PCBP3: variants seen among roughly 807,000 people sequenced by gnomAD.
PCBP3 encodes the protein poly(rC)-binding protein 3.
A neutral mutation model predicts 52.7 loss-of-function variants in PCBP3; 25 were observed. That is an observed-to-expected ratio of 0.47 (90% CI 0.35 to 0.66). The LOEUF (loss-of-function observed/expected upper bound fraction) is 0.66. PCBP3 is among the 30% of genes least tolerant of loss of function. The pLI, the probability that PCBP3 is intolerant of heterozygous loss-of-function variation, is 0.01. For synonymous variants in PCBP3, 162 were observed against 183.0 expected, an observed-to-expected ratio of 0.89 and a Z score of 0.93; for missense variants, 391 against 490.3, an observed-to-expected ratio of 0.80 and a Z score of 1.91.
In PCBP3 at chr21:45,785,509, G is replaced by A. The variant is rs1422587968; in HGVS notation, c.-126+30057G>A. Among the ~76,000 whole-genome samples the A allele has an allele frequency of 2.5e-5, 3 of 121,050 alleles. 1 individual carries two copies. Among genetic ancestry groups the A allele is most frequent in the Admixed American group, 1.5e-4 (2 of 13,146 alleles). 79.4% of individuals were successfully genotyped at this position (121,050 alleles called of 152,430 possible). A position where few individuals can be genotyped will look rare whatever the true frequency, so the allele number is the denominator to read the frequency against. On this transcript the variant is annotated intron_variant, in intron 4 of 17. Coordinates refer to ENST00000681687, the MANE Select transcript of PCBP3 (RefSeq NM_001384156.1). ...CTGGCCAGCCGCCCCGTCCGGGAGG[G>A]GGGGGGGTCAGCCCCCCGCCCGGCC...
rs1247989745 is a variant in PCBP3, at chr21:45,930,867, A to T, written c.856+22A>T. The T allele has an allele frequency of 2.5e-6, 4 of 1,612,578 alleles. No homozygotes were observed. The African/African-American group carries it at 4.0e-5, about 16-fold the overall frequency. On this transcript the variant is annotated intron_variant, in intron 15 of 17. Coordinates refer to ENST00000681687, the MANE Select transcript of PCBP3 (RefSeq NM_001384156.1). ...TCAGGTAACACAAAGCCACACTGAC[A>T]GGAGAACAGGCCAGGGCAGCAGAGC...
chr21:45,939,006 G>T (rs1174075513), intron 16 of PCBP3, among the ~76,000 whole-genome samples: 1 of 152,224 alleles, frequency 6.6e-6, no homozygotes, highest in Non-Finnish European at 1.5e-5. Context: ...CGTCTTACTG[G>T]TGTAAGGACA....
At chr21:45,719,531 G>C (rs1332241321) in intron 2 of PCBP3, among the ~76,000 whole-genome samples, 2 of 152,126 alleles carry the variant, frequency 1.3e-5, no homozygotes, top group Non-Finnish European at 2.9e-5. Context: ...GGACCAGGTG[G>C]AGGTAACTGG....
intron 2 of PCBP3, among the ~76,000 whole-genome samples, chr21:45,693,044 A>C (rs577215936): frequency 1.3e-5 from 2 of 152,312 alleles, no homozygotes; most frequent in African/African-American, 4.8e-5. Context: ...CCAGACAATT[A>C]TTTCAATAGT....
intron 4 of PCBP3, among the ~76,000 whole-genome samples, chr21:45,794,339 C>T (rs1442981791): frequency 1.3e-5 from 2 of 152,152 alleles, no homozygotes; most frequent in South Asian, 2.1e-4. Context: ...TCGCTTGAGC[C>T]GAGGAGTTTG....
intron 4 of PCBP3, among the ~76,000 whole-genome samples, chr21:45,803,744 A>G (rs1028790731): frequency 6.6e-6 from 1 of 152,172 alleles, no homozygotes; most frequent in African/African-American, 2.4e-5. Flanking sequence ...ATGGGCTCCA[A>G]GAGGCCCCTG....
chr21:45,664,848 A>G (rs2080684643), intron 1 of PCBP3, among the ~76,000 whole-genome samples: 1 of 144,820 alleles, frequency 6.9e-6, no homozygotes, highest in African/African-American at 2.6e-5. Flanking sequence ...ATTCCCACCT[A>G]TGAGTGAGAA....
Position 45,737,249 on chromosome 21 carries a change from A to T in PCBP3, c.-162+1820A>T, listed in dbSNP as rs2085946794. Among the ~76,000 whole-genome samples the T allele has an allele frequency of 6.6e-6, 1 of 152,122 alleles. No individual in the cohort carries two copies. Among genetic ancestry groups the T allele is most frequent in the African/African-American group, 2.4e-5 (1 of 41,418 alleles). ...CAGCAGGGTGGGTGTGGGAGCAGGG[A>T]GCCAGCCAGTCTCTTCTCTGTGCTA... On this transcript the variant is annotated intron_variant, in intron 3 of 17. Coordinates refer to ENST00000681687, the MANE Select transcript of PCBP3 (RefSeq NM_001384156.1). The surrounding 1 kb of genome is among the most constrained non-coding windows in gnomAD (Gnocchi z 4.9).
intron 5 of PCBP3, among the ~76,000 whole-genome samples, chr21:45,895,196 T>C (rs2095794100): frequency 1.3e-5 from 2 of 152,354 alleles, no homozygotes; most frequent in South Asian, 4.1e-4. Flanking sequence ...TCTTTGTGTT[T>C]TTCTTTTAGC....
intron 2 of PCBP3, among the ~76,000 whole-genome samples, chr21:45,712,686 G>T (rs2083919700): frequency 6.6e-6 from 1 of 151,798 alleles, no homozygotes; most frequent in Non-Finnish European, 1.5e-5. Flanking sequence ...TCTTGTGAGG[G>T]TTGCTCTTTC....
chr21:45,804,023 C>T (rs1164909462), intron 4 of PCBP3, among the ~76,000 whole-genome samples: 1 of 152,240 alleles, frequency 6.6e-6, no homozygotes, highest in Non-Finnish European at 1.5e-5. Context: ...TGTGGTGCTT[C>T]TCTTCCTCAT....
chr21:45,815,477 A>AG (rs2092888930), intron 4 of PCBP3, among the ~76,000 whole-genome samples: 1 of 87,966 alleles, frequency 1.1e-5, no homozygotes. Context: ...GTGATGAGTG[A>AG]TGGGTGAGTG....
chr21:45,792,807 C>T (rs141810676), intron 4 of PCBP3, among the ~76,000 whole-genome samples: 30 of 152,316 alleles, frequency 2.0e-4, no homozygotes, highest in Middle Eastern at 3.4e-3. Context: ...TGGCTGGCAG[C>T]ACTTACTCAG....
chr21:45,919,677 G>A (rs2074120844), intron 13 of PCBP3, among the ~76,000 whole-genome samples: 1 of 152,184 alleles, frequency 6.6e-6, no homozygotes, highest in Non-Finnish European at 1.5e-5. Flanking sequence ...CTACATCAAG[G>A]ACATCTCATC....
rs552375234 is a variant in PCBP3 at position 45,852,373 on chromosome 21, G to A, written c.10+2278G>A. Among the ~76,000 whole-genome samples, 469 of 144,992 alleles carry A rather than the reference G, an allele frequency of 3.2e-3. 12 individuals are homozygous for A. Among genetic ancestry groups the A allele is most frequent in the African/African-American group, 0.011 (438 of 38,134 alleles). On this transcript the variant is annotated intron_variant, in intron 5 of 17. Transcript: ENST00000681687. Reference sequence around the variant, plus strand: ...AGCCACCCTGACTTTTGTTCAGAAGGAACACAGCCCTGTAGCCACCCTGAC... The same window carrying A: ...AGCCACCCTGACTTTTGTTCAGAAGAAACACAGCCCTGTAGCCACCCTGAC...
At chr21:45,860,793 AC>A (rs1253749688) in intron 5 of PCBP3, among the ~76,000 whole-genome samples, 1 of 151,626 alleles carries the variant, frequency 6.6e-6, no homozygotes, top group African/African-American at 2.4e-5. Flanking sequence ...GCCGGCAGCG[AC>A]CCCTCCCCTG....
intron 3 of PCBP3, among the ~76,000 whole-genome samples, chr21:45,744,065 ACAGT>A (rs1046029092): frequency 1.8e-4 from 28 of 151,810 alleles, no homozygotes; most frequent in African/African-American, 3.6e-4. Context: ...TGCTTAGGAA[ACAGT>A]CAGTTTTAAG....
chr21:45,722,881 C>G (rs560703534), intron 2 of PCBP3, among the ~76,000 whole-genome samples: 1 of 151,648 alleles, frequency 6.6e-6, no homozygotes, highest in Admixed American at 6.6e-5. Flanking sequence ...GGCGTGGTGG[C>G]GTTCACCTGT....
At chr21:45,693,703 T>C (rs1399192237) in intron 2 of PCBP3, among the ~76,000 whole-genome samples, 1 of 152,076 alleles carries the variant, frequency 6.6e-6, no homozygotes, top group Non-Finnish European at 1.5e-5. Flanking sequence ...GTGAAAATAT[T>C]TTTCAAAAAT....
Sources: gnomAD v4.1 joint callset for allele counts (sites outside exome capture counted in the v4.1 genomes callset) on GRCh38, gnomAD v4.1.1 for gene constraint, Gnocchi (gnomAD v3.1) non-coding constraint, MANE v1.5 for transcripts, NCBI Gene and HGNC (gene_info 2026-07-23, HGNC 2026-07-21) for gene names.